DAAM1: variants seen among roughly 807,000 people sequenced by gnomAD.
DAAM1 encodes the protein disheveled-associated activator of morphogenesis 1.
A neutral mutation model predicts 130.0 loss-of-function variants in DAAM1; 52 were observed. The observed-to-expected ratio is 0.40, with a 90% CI of 0.32 to 0.50. DAAM1 has a LOEUF of 0.50. Ranked by LOEUF, DAAM1 falls within the 20% of genes least tolerant of loss-of-function variation. DAAM1 has a pLI of 0.61. For missense variants in DAAM1, 1,134 were observed against 1,303.8 expected, an observed-to-expected ratio of 0.87 and a Z score of 2.01; for synonymous variants, 452 against 444.5, an observed-to-expected ratio of 1.02 and a Z score of -0.21.
At chr14:59,257,619 T>C (rs141390496) in intron 1 of DAAM1, among the ~76,000 whole-genome samples, 31 of 152,276 alleles carry the variant, frequency 2.0e-4, no homozygotes, top group African/African-American at 5.5e-4. Flanking sequence ...GTATGAGGCA[T>C]GTTTAGGGTA....
At chr14:59,259,057 T>G (rs1882043086) in intron 1 of DAAM1, among the ~76,000 whole-genome samples, 1 of 152,234 alleles carries the variant, frequency 6.6e-6, no homozygotes, top group Non-Finnish European at 1.5e-5. Flanking sequence ...ATCTTAACGT[T>G]ACCCCCGACT....
At chr14:59,274,430 T>C (rs1882864348) in intron 2 of DAAM1, among the ~76,000 whole-genome samples, 1 of 152,206 alleles carries the variant, frequency 6.6e-6, no homozygotes, top group Admixed American at 6.5e-5. Context: ...AGTTTGAGTT[T>C]TTTCTCATAT....
At chr14:59,204,448 G>A (rs1888199737) in intron 1 of DAAM1, among the ~76,000 whole-genome samples, 1 of 152,184 alleles carries the variant, frequency 6.6e-6, no homozygotes, top group South Asian at 2.1e-4. Flanking sequence ...ACATCTCTCT[G>A]ATTTTTTTCC....
At chr14:59,368,556 G>T (rs540116036) in intron 24 of DAAM1, 94 bp from the exon 25 acceptor site, 1 of 1,292,504 alleles carries the variant, frequency 7.7e-7, no homozygotes, top group Admixed American at 2.3e-5. Context: ...CTTGGTGTCT[G>T]GAGCATTACC....
At chr14:59,234,034 C>T (rs1053372168) in intron 1 of DAAM1, among the ~76,000 whole-genome samples, 11 of 152,116 alleles carry the variant, frequency 7.2e-5, no homozygotes, top group African/African-American at 2.7e-4. Context: ...GTTACTGTAG[C>T]CTTGAAATAT....
Position 59,344,062 on chromosome 14 carries a change from C to T in DAAM1, c.2076-3477C>T, listed in dbSNP as rs150370175. ...GCTGCCAAAGGCCTGGGGGTGGCAG[C>T]GGGGGAGACAGAAACTTGGAAGCAG... On this transcript the variant is annotated intron_variant, in intron 16 of 24. Coordinates refer to ENST00000360909, the MANE Select transcript of DAAM1 (RefSeq NM_001270520.2). Among the ~76,000 whole-genome samples the T allele has an allele frequency of 2.0e-3, 297 of 152,184 alleles. 1 individual carries two copies. Among genetic ancestry groups the T allele is most frequent in the African/African-American group, 6.7e-3 (277 of 41,516 alleles).
intron 2 of DAAM1, among the ~76,000 whole-genome samples, chr14:59,269,677 G>C (rs1882624119): frequency 6.6e-6 from 1 of 152,178 alleles, no homozygotes; most frequent in Non-Finnish European, 1.5e-5. Flanking sequence ...CCCCATGATT[G>C]CCTAACCTAG....
intron 1 of DAAM1, among the ~76,000 whole-genome samples, chr14:59,210,568 C>T (rs565898890): frequency 3.1e-4 from 47 of 152,262 alleles, no homozygotes; most frequent in Non-Finnish European, 5.9e-4. Context: ...AAATATTTCT[C>T]TGTGATTAAG....
intron 15 of DAAM1, among the ~76,000 whole-genome samples, chr14:59,339,112 T>C (rs914928384): frequency 6.6e-6 from 1 of 152,196 alleles, no homozygotes; most frequent in African/African-American, 2.4e-5. Flanking sequence ...TAAACAGACT[T>C]TAGAGGTACT....
chr14:59,276,598 C>T (rs1018535865), intron 2 of DAAM1, among the ~76,000 whole-genome samples: 9 of 152,150 alleles, frequency 5.9e-5, no homozygotes, highest in Admixed American at 5.2e-4. Flanking sequence ...GTGGGAAACC[C>T]TTTCTGGGTG....
intron 4 of DAAM1, among the ~76,000 whole-genome samples, chr14:59,316,163 A>G (rs1566699465): frequency 6.6e-6 from 1 of 152,216 alleles, no homozygotes; most frequent in Non-Finnish European, 1.5e-5. Flanking sequence ...GGGCACACTC[A>G]TGGTTTTAAG....
In DAAM1 at chr14:59,330,562, A is replaced by C. The variant is rs1885388059; in HGVS notation, c.1434A>C (p.Gln478His). 1.2e-6 allele frequency: 2 copies of C among 1,614,018 alleles called. No homozygotes were observed. Among genetic ancestry groups the C allele is most frequent in the African/African-American group, 1.3e-5 (1 of 75,038 alleles). The change falls in exon 13 of 25, where the codon CAA (glutamine) becomes CAC (histidine). Residue 478 changes from glutamine to histidine, a missense_variant. This residue lies in a region of DAAM1 where 391 missense variants were observed against 521.6 expected (regional missense o/e 0.75). Coordinates refer to ENST00000360909, the MANE Select transcript of DAAM1 (RefSeq NM_001270520.2). The stretch of plus-strand genomic sequence containing the variant: ...AACGAGAATGTGATGCTAAGACTCA[A>C]GAGAAGGAAGAGATGATGCAGACCT... Reference protein sequence around the residue: ...KKERECDAKTQEKEEMMQTLN... With the variant: ...KKERECDAKTHEKEEMMQTLN...
At position 59,241,373 on chromosome 14, in the gene DAAM1, A is replaced by G. The variant is rs144899434; in HGVS notation, c.-37-22068A>G. ...GGTTCAGATACTTCCTATTTCTTCC[A>G]GTGGGACCTCTTTCCGAATTAAGTA... On this transcript the variant is annotated intron_variant, in intron 1 of 24. Coordinates refer to ENST00000360909, the MANE Select transcript of DAAM1 (RefSeq NM_001270520.2). Among the ~76,000 whole-genome samples, 246 of 152,330 alleles carry G rather than the reference A, an allele frequency of 1.6e-3. 1 individual carries two copies. Among genetic ancestry groups the G allele is most frequent in the African/African-American group, 5.4e-3 (226 of 41,574 alleles).
chr14:59,346,150 G>A (rs1006131636), intron 16 of DAAM1, among the ~76,000 whole-genome samples: 1 of 123,802 alleles, frequency 8.1e-6, no homozygotes, highest in Admixed American at 8.1e-5. Context: ...GGGGGGGGGG[G>A]GTGCCTGGAG....
intron 15 of DAAM1, among the ~76,000 whole-genome samples, chr14:59,334,885 A>T (rs1163688092): frequency 6.6e-6 from 1 of 152,190 alleles, no homozygotes; most frequent in African/African-American, 2.4e-5. Context: ...AAAGCTGTAA[A>T]TAACTATAAT....
At chr14:59,320,389 A>C in intron 4 of DAAM1, 101 bp from the exon 5 acceptor site, 1 of 886,662 alleles carries the variant, frequency 1.1e-6, no homozygotes, top group Non-Finnish European at 1.7e-6. Flanking sequence ...TTTGTTGTTT[A>C]TATTTAAAGT....
At position 59,263,616 on chromosome 14, in the gene DAAM1, A is replaced by T. The variant is rs747136110; in HGVS notation, c.139A>T (p.Met47Leu). The T allele has an allele frequency of 1.2e-5, 19 of 1,614,066 alleles. No individual in the cohort carries two copies. The highest frequency in any genetic ancestry group is 6.7e-5 in the African/African-American group (5 of 74,910). ...ALQTMEPALP[M>L]PPVEELDVMF... ...TCAGACCATGGAACCAGCATTGCCC[A>T]TGCCCCCTGTGGAGGAGCTGGATGT... The change falls in exon 2 of 25, where the codon ATG (methionine) becomes TTG (leucine). Residue 47 changes from methionine (M) to leucine (L), a missense_variant. Transcript: ENST00000360909.
chr14:59,327,653 C>T (rs1433870893), intron 12 of DAAM1, among the ~76,000 whole-genome samples: 8 of 151,976 alleles, frequency 5.3e-5, no homozygotes, highest in East Asian at 3.8e-4. Context: ...GTGATCCACC[C>T]GCCTTGGCTG....
At chr14:59,359,047 C>A (rs1886601526) in intron 20 of DAAM1, among the ~76,000 whole-genome samples, 1 of 152,172 alleles carries the variant, frequency 6.6e-6, no homozygotes. Context: ...GAGCTTGTCT[C>A]CACTGGCAGT....
Sources: allele counts gnomAD v4.1 joint callset (sites outside exome capture counted in the v4.1 genomes callset), GRCh38; gene constraint gnomAD v4.1.1; regional missense constraint gnomAD v4.1.1; transcripts MANE v1.5; gene names NCBI Gene and HGNC (gene_info 2026-07-23, HGNC 2026-07-21).